NOX4: variants seen among roughly 807,000 people sequenced by gnomAD.
The protein encoded by NOX4 is NADPH oxidase 4.
A neutral mutation model predicts 87.6 loss-of-function variants in NOX4; 69 were observed. That is an observed-to-expected ratio of 0.79 (90% confidence interval 0.65 to 0.96). The LOEUF (loss-of-function observed/expected upper bound fraction) is 0.96, where lower values mean the gene tolerates loss of function less well. Among genes scored for constraint, NOX4 ranks in the 40% least tolerant of loss-of-function variants. The pLI, the probability that NOX4 is intolerant of heterozygous loss-of-function variation, is 0.00. For synonymous variants in NOX4, 275 were observed against 238.2 expected, an observed-to-expected ratio of 1.15 and a Z score of -1.42; for missense variants, 680 against 681.5, an observed-to-expected ratio of 1.00 and a Z score of 0.02.
chr11:89,559,816 G>C, the NOX4 span, among the ~76,000 whole-genome samples: 1 of 152,116 alleles, frequency 6.6e-6, no homozygotes, highest in Non-Finnish European at 1.5e-5. Flanking sequence ...CTTGAGCAAA[G>C]AGTGGGCAGA....
At chr11:89,546,919 C>T in the NOX4 span, among the ~76,000 whole-genome samples, 1 of 152,284 alleles carries the variant, frequency 6.6e-6, no homozygotes, top group South Asian at 2.1e-4. Flanking sequence ...TTCCAACACA[C>T]AAACTTTGGA....
At chr11:89,522,968 C>T in the NOX4 span, among the ~76,000 whole-genome samples, 1 of 152,146 alleles carries the variant, frequency 6.6e-6, no homozygotes, top group African/African-American at 2.4e-5. Context: ...GCTATACAAA[C>T]TCCCAGGATA....
At chr11:89,352,496 A>T (rs1201767925) in intron 13 of NOX4, among the ~76,000 whole-genome samples, 3 of 152,144 alleles carry the variant, frequency 2.0e-5, no homozygotes, top group Non-Finnish European at 4.4e-5. Context: ...GGGCAATGTA[A>T]ATTTAAAAAC....
At chr11:89,536,143 T>C in the NOX4 span, among the ~76,000 whole-genome samples, 10 of 122,708 alleles carry the variant, frequency 8.1e-5, no homozygotes, top group South Asian at 2.5e-4. Flanking sequence ...CTTTTCTTTT[T>C]TTTTTTTTTT....
chr11:89,530,551 A>G, the NOX4 span, among the ~76,000 whole-genome samples: 1 of 145,056 alleles, frequency 6.9e-6, no homozygotes, highest in African/African-American at 2.6e-5. Flanking sequence ...ATGGGGTTGC[A>G]CTATGTTGGT....
intron 7 of NOX4, among the ~76,000 whole-genome samples, 199 bp from the exon 8 acceptor site, chr11:89,422,181 A>G (rs117931275): frequency 1.5e-3 from 221 of 152,302 alleles, no homozygotes; most frequent in East Asian, 0.011. Flanking sequence ...AGATTTTATC[A>G]TTTTGTAAGT....
At chr11:89,339,807 T>G (rs1344187285) in intron 15 of NOX4, among the ~76,000 whole-genome samples, 1 of 152,156 alleles carries the variant, frequency 6.6e-6, no homozygotes, top group Non-Finnish European at 1.5e-5. Context: ...AACATAGAAA[T>G]GAATGTTTCC....
intron 12 of NOX4, among the ~76,000 whole-genome samples, chr11:89,355,343 T>C (rs1015088700): frequency 1.5e-4 from 22 of 148,108 alleles, no homozygotes; most frequent in Non-Finnish European, 2.5e-4. Flanking sequence ...ATTTTAAATA[T>C]ATAAAATTAA....
At chr11:89,531,961 A>G in the NOX4 span, among the ~76,000 whole-genome samples, 4 of 152,210 alleles carry the variant, frequency 2.6e-5, no homozygotes, top group African/African-American at 4.8e-5. Context: ...AAGCCTTGGC[A>G]GCTTCCGTGT....
intron 11 of NOX4, 120 bp downstream of exon 11, chr11:89,399,897 C>T: frequency 1.7e-6 from 1 of 603,934 alleles, no homozygotes; most frequent in Non-Finnish European, 2.9e-6. Flanking sequence ...AGATAGCTTA[C>T]TTAAACATCA....
chr11:89,531,192 A>G, the NOX4 span, among the ~76,000 whole-genome samples: 1 of 152,184 alleles, frequency 6.6e-6, no homozygotes, highest in East Asian at 1.9e-4. Flanking sequence ...AGTTGACCCC[A>G]GAGGCTTATG....
intron 2 of NOX4, among the ~76,000 whole-genome samples, chr11:89,478,134 G>A (rs1289313313): frequency 1.3e-5 from 2 of 151,938 alleles, no homozygotes; most frequent in East Asian, 3.9e-4. Context: ...CACTTTTTGA[G>A]AGTCTTACAC....
chr11:89,410,270 G>T (rs1396234798), intron 8 of NOX4, among the ~76,000 whole-genome samples: 1 of 152,080 alleles, frequency 6.6e-6, no homozygotes, highest in Non-Finnish European at 1.5e-5. Flanking sequence ...AAATATAAAT[G>T]ATAGTTACAA....
chr11:89,515,698 G>A, the NOX4 span, among the ~76,000 whole-genome samples: 5 of 151,480 alleles, frequency 3.3e-5, no homozygotes, highest in Non-Finnish European at 7.4e-5. Context: ...TATATACTTA[G>A]GTCTATGATT....
intron 8 of NOX4, among the ~76,000 whole-genome samples, chr11:89,420,552 AG>A (rs1943025273): frequency 6.6e-6 from 1 of 152,130 alleles, no homozygotes; most frequent in Admixed American, 6.6e-5. Flanking sequence ...AAAGCTAACC[AG>A]GACATATGGG....
intron 6 of NOX4, among the ~76,000 whole-genome samples, chr11:89,439,332 A>G (rs1049124550): frequency 8.5e-5 from 13 of 152,140 alleles, no homozygotes; most frequent in African/African-American, 3.1e-4. Context: ...AAATGAAAAC[A>G]TGTTTTCAAT....
intron 1 of NOX4, 131 bp downstream of exon 1, chr11:89,491,059 T>C: frequency 2.2e-6 from 2 of 900,708 alleles, no homozygotes; most frequent in South Asian, 1.5e-5. Context: ...GCATAAAGTT[T>C]TGTAAGTTGA....
chr11:89,379,079 C>T (rs1940079478), intron 11 of NOX4, among the ~76,000 whole-genome samples: 1 of 152,056 alleles, frequency 6.6e-6, no homozygotes, highest in Non-Finnish European at 1.5e-5. Flanking sequence ...TCTCAGGTCC[C>T]TTAGGCAAAC....
At position 89,482,516 on chromosome 11, in the gene NOX4, G is replaced by C. The variant is rs542537580; in HGVS notation, c.153+7942C>G. 4.7e-4 allele frequency among the ~76,000 whole-genome samples: 72 copies of C among 152,076 alleles called. 1 individual carries two copies. Among genetic ancestry groups the C allele is most frequent in the Admixed American group, 3.4e-3 (52 of 15,258 alleles). On this transcript the variant is annotated intron_variant, in intron 2 of 17. Coordinates refer to ENST00000263317, the MANE Select transcript of NOX4 (RefSeq NM_016931.5). ...GAAGGAAGGCCATACAAAGACATTG[G>C]AAGAAGAAAGCCCTCTATAAGTCAA...
Sources: gnomAD v4.1 joint callset for allele counts (sites outside exome capture counted in the v4.1 genomes callset) on GRCh38, gnomAD v4.1.1 for gene constraint, MANE v1.5 for transcripts, NCBI Gene and HGNC (gene_info 2026-07-23, HGNC 2026-07-21) for gene names.